The following CORIN variants were observed in gnomAD, a reference collection of about 807,000 sequenced individuals.
CORIN encodes corin, serine peptidase.
CORIN carries 117 observed loss-of-function variants against 125.3 expected under a neutral mutation model. The observed-to-expected ratio is 0.93, with a 90% CI of 0.80 to 1.09. The LOEUF is 1.09. Among genes scored for constraint, CORIN ranks in the 50% least tolerant of loss-of-function variants. The pLI is 0.00. For missense variants in CORIN, 1,253 were observed against 1,306.7 expected (o/e 0.96, Z 0.63); for synonymous variants, 450 against 466.4 (o/e 0.96, Z 0.45).
chr4:47,649,409 A>G (rs1723638353), intron 13 of CORIN, among the ~76,000 whole-genome samples: 1 of 152,232 alleles, frequency 6.6e-6, no homozygotes, highest in Non-Finnish European at 1.5e-5. Flanking sequence ...GCTGTCAGAA[A>G]CAAGACTATG....
intron 12 of CORIN, chr4:47,661,437 G>C (rs1367261146): frequency 7.5e-5 from 22 of 291,740 alleles, no homozygotes; most frequent in Admixed American, 4.9e-5. Flanking sequence ...AAATATTTTA[G>C]GTACCCCATA....
At chr4:47,735,776 C>T (rs1291189320) in intron 5 of CORIN, among the ~76,000 whole-genome samples, 1 of 151,462 alleles carries the variant, frequency 6.6e-6, no homozygotes, top group East Asian at 1.9e-4. Flanking sequence ...AAAAATTAGC[C>T]GGAAGTGGTG....
intron 3 of CORIN, among the ~76,000 whole-genome samples, chr4:47,776,511 A>G (rs1730311844): frequency 6.6e-6 from 1 of 152,240 alleles, no homozygotes; most frequent in Non-Finnish European, 1.5e-5. Context: ...ATATGGTAAC[A>G]TAGTTACTGT....
chr4:47,767,105 A>G (rs762484776), intron 3 of CORIN, among the ~76,000 whole-genome samples: 31 of 152,162 alleles, frequency 2.0e-4, no homozygotes, highest in Non-Finnish European at 4.0e-4. Flanking sequence ...TTCCATCAGA[A>G]GATAAATATT....
intron 16 of CORIN, among the ~76,000 whole-genome samples, chr4:47,638,974 A>C (rs1186456133): frequency 6.6e-6 from 1 of 152,206 alleles, no homozygotes. Context: ...TGGGTCTAAA[A>C]CATCCTAAGT....
At position 47,671,295 on chromosome 4, in the gene CORIN, C is replaced by G. The variant is rs910181735; in HGVS notation, c.1357+3098G>C. On this transcript the variant is annotated intron_variant, in intron 10 of 21. Coordinates refer to ENST00000273857, the MANE Select transcript of CORIN (RefSeq NM_006587.4). ...CCAGTGAGAGGCTGTCTCCACCAGA[C>G]AGAATATCTACTACATTCTCCAAAC... is the stretch of plus-strand genomic sequence containing the variant. Among the ~76,000 whole-genome samples, 6 of 152,304 alleles carry G rather than the reference C, an allele frequency of 3.9e-5. 1 individual carries two copies. The South Asian group carries it at 8.3e-4, about 21-fold the overall frequency.
At chr4:47,652,287 G>A (rs1433087097) in intron 13 of CORIN, among the ~76,000 whole-genome samples, 2 of 152,138 alleles carry the variant, frequency 1.3e-5, no homozygotes, top group Non-Finnish European at 2.9e-5. Context: ...CATATTTATA[G>A]GAGCTGACAG....
At chr4:47,667,751 T>C (rs1300634225) in intron 10 of CORIN, among the ~76,000 whole-genome samples, 1 of 152,168 alleles carries the variant, frequency 6.6e-6, no homozygotes, top group Admixed American at 6.5e-5. Flanking sequence ...ATCTTGAGGA[T>C]GAGTCAGAGT....
intron 2 of CORIN, among the ~76,000 whole-genome samples, chr4:47,799,277 T>G (rs1022944272): frequency 1.3e-5 from 2 of 152,134 alleles, no homozygotes; most frequent in Admixed American, 1.3e-4. Context: ...ATGATTTATT[T>G]TCTTTTGGCT....
rs1721170939 is a variant in CORIN, at chr4:47,594,325, T to C, written c.*1396A>G. 1 of 152,608 alleles carries C rather than the reference T, an allele frequency of 6.6e-6. No homozygotes were observed. The highest frequency in any genetic ancestry group is 2.4e-5 in the African/African-American group (1 of 41,462). The allele number at this position is 152,608 out of a possible 1,614,324, so 9.5% of individuals were successfully genotyped here. ...GTATAAAATTGCAGGTAGTATCTAT[T>C]TGGAATGCTGAGGCAGTCCAGGTTG... On this transcript the variant is annotated 3_prime_UTR_variant, in exon 22 of 22. Transcript: ENST00000273857.
rs754570059 is a variant in CORIN at position 47,837,929 on chromosome 4, G to A, written c.21C>T (p.Leu7=). The A allele has an allele frequency of 6.2e-7, 1 of 1,613,512 alleles. No homozygotes were observed. The highest frequency in any genetic ancestry group is 8.5e-7 in the Non-Finnish European group (1 of 1,180,022). ...CTCTGCGGCAGCGCTCTTCCGGAGC[G>A]AGGGCAGGAGACTGTTTCATGGATA... The part of the protein sequence containing the change: MKQSPA[L]APEERCRRAG... Residue 7 remains leucine, a synonymous_variant, in exon 1 of 22, where the codon CTC becomes CTT. Transcript: ENST00000273857.
chr4:47,823,730 T>C (rs1020928884), intron 1 of CORIN, among the ~76,000 whole-genome samples: 2 of 152,216 alleles, frequency 1.3e-5, no homozygotes, highest in Non-Finnish European at 2.9e-5. Flanking sequence ...ATACATTTAA[T>C]TGCTTGATCA....
chr4:47,832,413 CT>C (rs979485380), intron 1 of CORIN, among the ~76,000 whole-genome samples: 2 of 142,946 alleles, frequency 1.4e-5, no homozygotes, highest in African/African-American at 5.1e-5. Context: ...AAAACTTTTT[CT>C]TTTCTTTTCT....
intron 5 of CORIN, among the ~76,000 whole-genome samples, chr4:47,695,235 T>G (rs1246982851): frequency 2.0e-5 from 3 of 152,236 alleles, no homozygotes; most frequent in Non-Finnish European, 4.4e-5. Flanking sequence ...TCTCTGGGTT[T>G]AAGAGAAAGT....
rs1213823256 is a variant in CORIN at position 47,674,405 on chromosome 4, G to A, written c.1345C>T (p.Leu449=). 6.2e-7 allele frequency: 1 copy of A among 1,609,538 alleles called. No individual in the cohort carries two copies. Among genetic ancestry groups the A allele is most frequent in the African/African-American group, 1.3e-5 (1 of 74,794 alleles). The change falls in exon 10 of 22, where the codon CTG becomes TTG. Residue 449 remains leucine, a synonymous_variant. Transcript: ENST00000273857. ...GSSLCDPNNS[L]NNCSQCEPIT... is the part of the protein sequence containing the mutation. ...CTGTTGTACTTACTACAGTTATTCA[G>A]ACTGTTGTTCGGGTCACAGAGAGAG...
At chr4:47,775,959 C>T (rs1010481789) in intron 3 of CORIN, among the ~76,000 whole-genome samples, 1 of 151,950 alleles carries the variant, frequency 6.6e-6, no homozygotes, top group African/African-American at 2.4e-5. Flanking sequence ...ATGGCGAGAT[C>T]TCAGCTCGCT....
At chr4:47,828,675 A>G (rs1732840327) in intron 1 of CORIN, among the ~76,000 whole-genome samples, 1 of 152,178 alleles carries the variant, frequency 6.6e-6, no homozygotes, top group South Asian at 2.1e-4. Flanking sequence ...ATAAAATAAT[A>G]TTCACAGGTC....
intron 3 of CORIN, among the ~76,000 whole-genome samples, chr4:47,770,428 T>TTGTA (rs1327210713): frequency 6.6e-6 from 1 of 151,992 alleles, no homozygotes; most frequent in Non-Finnish European, 1.5e-5. Context: ...GTTGATAGGG[T>TTGTA]TGTAAATTAG....
intron 2 of CORIN, among the ~76,000 whole-genome samples, chr4:47,805,148 A>AAATAATAAT (rs1553919339): frequency 3.9e-5 from 5 of 129,166 alleles, no homozygotes; most frequent in African/African-American, 1.5e-4. Context: ...AAAAAAAAAA[A>AAATAATAAT]AATAATAATA....
Sources: gnomAD v4.1 joint callset for allele counts (sites outside exome capture counted in the v4.1 genomes callset) on GRCh38, gnomAD v4.1.1 for gene constraint, MANE v1.5 for transcripts, NCBI Gene and HGNC (gene_info 2026-07-23, HGNC 2026-07-21) for gene names.